The following C12orf60 variants were observed in gnomAD, a reference collection of about 807,000 sequenced individuals.
The protein encoded by C12orf60 is chromosome 12 open reading frame 60, also known as uncharacterized protein C12orf60.
For missense variants in C12orf60, 284 were observed against 283.2 expected (o/e 1.00, Z -0.02); for synonymous variants, 102 against 94.6 (o/e 1.08, Z -0.45).
intron 1 of C12orf60, among the ~76,000 whole-genome samples, chr12:14,814,676 TC>T (rs1950190369): frequency 6.6e-6 from 1 of 152,208 alleles, no homozygotes. Flanking sequence ...TGTCATTCTT[TC>T]TCTTCCTGTG....
At position 14,823,009 on chromosome 12, in the gene C12orf60, A is replaced by G. The variant is rs200925028; in HGVS notation, c.74A>G (p.Asp25Gly). 4 of 1,612,448 alleles carry G rather than the reference A, an allele frequency of 2.5e-6. No homozygotes were observed. The highest frequency in any genetic ancestry group is 2.2e-5 in the East Asian group (1 of 44,814). Residue 25 changes from aspartate (D) to glycine (G), a missense_variant, in exon 2 of 2, where the codon GAT (aspartate) becomes GGT (glycine). Physicochemically the swap from Asp to Gly is moderately conservative, Grantham distance 94. Transcript: ENST00000330828. The stretch of plus-strand genomic sequence containing the variant: ...AAAATGTTCTTCTTTCATGTACAAG[A>G]TCTTGCTTCTGTCATAAACACACTG... ...AAKMFFFHVQ[D>G]LASVINTLTE...
intron 1 of C12orf60, among the ~76,000 whole-genome samples, chr12:14,810,454 A>G (rs1180198897): frequency 6.6e-6 from 1 of 152,254 alleles, no homozygotes; most frequent in Non-Finnish European, 1.5e-5. Context: ...GTGTAAGGTC[A>G]TATGCCAGCA....
Position 14,823,143 on chromosome 12 carries a change from A to G in C12orf60, c.208A>G (p.Met70Val). 6.2e-7 allele frequency: 1 copy of G among 1,614,162 alleles called. No individual in the cohort carries two copies. The highest frequency in any genetic ancestry group is 8.5e-7 in the Non-Finnish European group (1 of 1,180,026). Reference sequence around the variant, plus strand: ...GCAAATGCTCAAAATTTTTAAGGAGATGCAATCTGTAGTGGATGCAAGACA... The same window carrying G: ...GCAAATGCTCAAAATTTTTAAGGAGGTGCAATCTGTAGTGGATGCAAGACA... ...FEQMLKIFKE[M>V]QSVVDARHDK... is the part of the protein sequence containing the mutation. The change falls in exon 2 of 2, where the codon ATG (methionine) becomes GTG (valine). Residue 70 changes from methionine (M) to valine (V), a missense_variant. Met to Val is a conservative substitution (Grantham distance 21). Coordinates refer to ENST00000330828, the MANE Select transcript of C12orf60 (RefSeq NM_175874.4).
intron 1 of C12orf60, among the ~76,000 whole-genome samples, chr12:14,819,275 T>C (rs1371864073): frequency 6.6e-6 from 1 of 152,188 alleles, no homozygotes; most frequent in African/African-American, 2.4e-5. Flanking sequence ...TAGATTTATA[T>C]TTAAGTATTT....
intron 1 of C12orf60, among the ~76,000 whole-genome samples, chr12:14,818,222 T>A (rs1385435630): frequency 6.6e-6 from 1 of 152,254 alleles, no homozygotes; most frequent in African/African-American, 2.4e-5. Flanking sequence ...ATATTAGACC[T>A]TTATCATGTA....
intron 1 of C12orf60, among the ~76,000 whole-genome samples, chr12:14,813,703 C>T (rs1950175685): frequency 6.6e-6 from 1 of 152,170 alleles, no homozygotes; most frequent in South Asian, 2.1e-4. Context: ...AAGTACTATA[C>T]ATTAACCAGT....
chr12:14,816,924 G>A (rs1490222091), intron 1 of C12orf60, among the ~76,000 whole-genome samples: 1 of 151,880 alleles, frequency 6.6e-6, no homozygotes, highest in East Asian at 1.9e-4. Flanking sequence ...GTATTTTTTA[G>A]TAGAGACGGG....
chr12:14,823,351 C>T lies in C12orf60; in HGVS notation c.416C>T (p.Ser139Phe). The stretch of plus-strand genomic sequence containing the variant: ...AACATCCTTGGGAGTCTGGAATCTT[C>T]TCTTTCACACTTGATGAAATTCCCC... ...SSNILGSLES[S>F]LSHLMKFPIM... is the part of the protein sequence containing the mutation. Residue 139 changes from serine (S) to phenylalanine (F), a missense_variant, in exon 2 of 2, where the codon TCT (serine) becomes TTT (phenylalanine). Ser to Phe is a radical substitution (Grantham distance 155). Transcript: ENST00000330828. 6.2e-7 allele frequency: 1 copy of T among 1,614,128 alleles called. No individual in the cohort carries two copies. Among genetic ancestry groups the T allele is most frequent in the Non-Finnish European group, 8.5e-7 (1 of 1,180,020 alleles).
chr12:14,821,005 T>C (rs1287292202), intron 1 of C12orf60, among the ~76,000 whole-genome samples: 1 of 152,142 alleles, frequency 6.6e-6, no homozygotes, highest in Non-Finnish European at 1.5e-5. Flanking sequence ...ATACAATTGA[T>C]TTTGTACATT....
intron 1 of C12orf60, among the ~76,000 whole-genome samples, chr12:14,811,691 ATACAGTTGT>A (rs1950140894): frequency 6.6e-6 from 1 of 152,244 alleles, no homozygotes; most frequent in African/African-American, 2.4e-5. Flanking sequence ...TAATGACATC[ATACAGTTGT>A]TTTAGTTTTT....
intron 1 of C12orf60, chr12:14,805,326 G>T (rs1950031440): frequency 6.6e-6 from 1 of 152,144 alleles, no homozygotes; most frequent in African/African-American, 2.4e-5. Flanking sequence ...ATCACAGTTG[G>T]TCAGGGTTGA....
intron 1 of C12orf60, among the ~76,000 whole-genome samples, chr12:14,810,849 AT>A (rs928629356): frequency 2.0e-5 from 3 of 152,296 alleles, no homozygotes; most frequent in African/African-American, 7.2e-5. Context: ...TCCCAAAGTG[AT>A]TACTCCACTC....
At chr12:14,822,018 G>A (rs1317061820) in intron 1 of C12orf60, among the ~76,000 whole-genome samples, 21 of 124,700 alleles carry the variant, frequency 1.7e-4, no homozygotes, top group African/African-American at 4.1e-4. Flanking sequence ...GTGGGGTGGG[G>A]AGTAGGGGAT....
intron 1 of C12orf60, among the ~76,000 whole-genome samples, chr12:14,815,795 G>T (rs1210685008): frequency 6.6e-6 from 1 of 152,138 alleles, no homozygotes; most frequent in Non-Finnish European, 1.5e-5. Context: ...TTGTTGAAGA[G>T]TACCATTTAA....
rs1470051120 is a variant in C12orf60, at chr12:14,824,411, G to A, written c.*738G>A. On this transcript the variant is annotated 3_prime_UTR_variant, in exon 2 of 2. Transcript: ENST00000330828. ...AGAAATGAGATAGGGCAGTCTCTTT[G>A]TCTACCATAAGTCTTTGGTTCTCAT... 2.0e-5 allele frequency: 3 copies of A among 152,194 alleles called. No homozygotes were observed. The highest frequency in any genetic ancestry group is 4.4e-5 in the Non-Finnish European group (3 of 68,032). The allele number at this position is 152,194 out of a possible 1,614,324, so 9.4% of individuals were successfully genotyped here. A position where few individuals can be genotyped will look rare whatever the true frequency, so the allele number is the denominator to read the frequency against.
chr12:14,812,443 C>CAA (rs1260022264), intron 1 of C12orf60, among the ~76,000 whole-genome samples: 1 of 138,778 alleles, frequency 7.2e-6, no homozygotes. Context: ...GACTCCGTCT[C>CAA]AAAAAAAAAA....
intron 1 of C12orf60, among the ~76,000 whole-genome samples, chr12:14,822,317 G>GACAACAACA (rs746917116): frequency 6.7e-6 from 1 of 149,836 alleles, no homozygotes; most frequent in Non-Finnish European, 1.5e-5. Flanking sequence ...GAAGACAAAC[G>GACAACAACA]ACAACAACAA....
intron 1 of C12orf60, among the ~76,000 whole-genome samples, chr12:14,816,873 T>A (rs1391256807): frequency 2.0e-5 from 3 of 151,702 alleles, no homozygotes; most frequent in Non-Finnish European, 4.4e-5. Context: ...GCCTCCCGAG[T>A]AGCTGGGATT....
chr12:14,805,767 A>G (rs1950037857), intron 1 of C12orf60: 2 of 496,094 alleles, frequency 4.0e-6, no homozygotes, highest in Admixed American at 7.5e-5. Context: ...GGGTGTGAAA[A>G]CATCCAGGGA....
Sources: allele counts gnomAD v4.1 joint callset (sites outside exome capture counted in the v4.1 genomes callset), GRCh38; gene constraint gnomAD v4.1.1; transcripts MANE v1.5; gene names NCBI Gene and HGNC (gene_info 2026-07-23, HGNC 2026-07-21).